The following ANO5 variants were observed in gnomAD, a reference collection of about 807,000 sequenced individuals.
The protein encoded by ANO5 is anoctamin 5, also known as anoctamin-5.
A neutral mutation model predicts 121.0 loss-of-function variants in ANO5; 109 were observed. The observed-to-expected ratio is 0.90, with a 90% CI of 0.77 to 1.06. ANO5 has a LOEUF of 1.06. ANO5 is among the 50% of genes least tolerant of loss of function. ANO5 has a pLI of 0.00. For missense variants in ANO5, 1,064 were observed against 1,078.5 expected (o/e 0.99, Z 0.19); for synonymous variants, 406 against 359.9 (o/e 1.13, Z -1.45).
Position 22,227,448 on chromosome 11 carries a change from T to C in ANO5, c.510T>C (p.Leu170=). The C allele has an allele frequency of 6.2e-7, 1 of 1,613,622 alleles. No homozygotes were observed. Among genetic ancestry groups the C allele is most frequent in the East Asian group, 2.2e-5 (1 of 44,836 alleles). ...AGCACACTCCTATAAGCTATGTGCT[T>C]GGACCTGTAAGACTCCCACTGAGTG... ...RPKHTPISYV[L]GPVRLPLSVK... Residue 170 remains leucine (L), a synonymous_variant, in exon 7 of 22, where the codon CTT becomes CTC. Transcript: ENST00000324559.
At chr11:22,199,270 T>C (rs1851895048) in intron 1 of ANO5, among the ~76,000 whole-genome samples, 1 of 152,182 alleles carries the variant, frequency 6.6e-6, no homozygotes, top group South Asian at 2.1e-4. Context: ...TAACACCTGC[T>C]TACCTCCTAT....
rs1854758383 is a variant in ANO5, at chr11:22,274,559, T to A, written c.2236-10T>A. 1.9e-6 allele frequency: 3 copies of A among 1,555,212 alleles called. No homozygotes were observed. Among genetic ancestry groups the A allele is most frequent in the African/African-American group, 1.4e-5 (1 of 71,898 alleles). The stretch of plus-strand genomic sequence containing the variant: ...CTGATGATCTTCCTCTTTTTTTTTT[T>A]ATTCTTCAGGCCTTTATTGTTGCAT... On this transcript the variant is annotated splice_polypyrimidine_tract_variant and intron_variant, in intron 19 of 21. Transcript: ENST00000324559.
In ANO5 at chr11:22,246,856, CAAAAAAAAAAAA is replaced by C. The variant is rs10565920; in HGVS notation, c.879-3369_879-3358del. 1.8e-3 allele frequency among the ~76,000 whole-genome samples: 115 copies of C among 62,228 alleles called. 1 individual carries two copies. The highest frequency in any genetic ancestry group is 1.5e-3 in the Non-Finnish European group (44 of 28,806). The allele number at this position is 62,228 out of a possible 152,430, so 40.8% of individuals were successfully genotyped here. On this transcript the variant is annotated intron_variant, in intron 9 of 21. Transcript: ENST00000324559. ...AGCACAACAGAGTGAGACCCTGTTT[CAAAAAAAAAAAA>C]AAAAAAAAAAAGCAAAAAAGAAAAG...
chr11:22,266,519 TAAC>T (rs1279023699), intron 17 of ANO5, among the ~76,000 whole-genome samples: 1 of 152,214 alleles, frequency 6.6e-6, no homozygotes, highest in African/African-American at 2.4e-5. Context: ...TTTTTCTGAT[TAAC>T]AACATGAATA....
chr11:22,227,589 A>G lies in ANO5; in HGVS notation c.648+3A>G. ...CATCCTCATCAAGAAACAGAATTGT[A>G]GGTAGAGAAGACCTTTGGGCACATC... is the stretch of plus-strand genomic sequence containing the variant. On this transcript the variant is annotated splice_donor_region_variant and intron_variant, in intron 7 of 21. Coordinates refer to ENST00000324559, the MANE Select transcript of ANO5 (RefSeq NM_213599.3). 3 of 1,613,290 alleles carry G rather than the reference A, an allele frequency of 1.9e-6. No individual in the cohort carries two copies. The highest frequency in any genetic ancestry group is 2.2e-5 in the East Asian group (1 of 44,836).
Position 22,280,568 on chromosome 11 carries a change from G to T in ANO5, c.*803G>T, listed in dbSNP as rs749966954. The T allele has an allele frequency of 1.3e-5, 2 of 151,924 alleles. No individual in the cohort carries two copies. Among genetic ancestry groups the T allele is most frequent in the Non-Finnish European group, 2.9e-5 (2 of 67,864 alleles). The allele number at this position is 151,924 out of a possible 1,614,324, so 9.4% of individuals were successfully genotyped here. On this transcript the variant is annotated 3_prime_UTR_variant, in exon 22 of 22. Transcript: ENST00000324559. ...TGTGTTTTCTTAGTAGTTAATGGAT[G>T]CAGGACAATGTATATTGATTAATTT... is the stretch of plus-strand genomic sequence containing the variant.
chr11:22,233,775 G>T (rs906334887), intron 7 of ANO5, among the ~76,000 whole-genome samples: 4 of 151,546 alleles, frequency 2.6e-5, no homozygotes, highest in African/African-American at 9.7e-5. Flanking sequence ...AAAAACTTTG[G>T]CTAATTTTCT....
rs1028003018 is a variant in ANO5, at chr11:22,260,991, A to G, written c.1631-1138A>G. On this transcript the variant is annotated intron_variant, in intron 15 of 21. Transcript: ENST00000324559. ...TAATTACATTATTTTCAAAATTAAT[A>G]TAGCCATTGAATTAATGAGAGGGCA... Among the ~76,000 whole-genome samples the G allele has an allele frequency of 3.9e-5, 6 of 152,354 alleles. No homozygotes were observed. In the East Asian group the frequency reaches 7.7e-4, roughly 20 times the overall value.
At chr11:22,255,549 A>G in intron 13 of ANO5, 27 bp downstream of exon 13, 5 of 1,611,042 alleles carry the variant, frequency 3.1e-6, no homozygotes, top group Non-Finnish European at 3.4e-6. Flanking sequence ...TGAAACGGAC[A>G]GCATATCTCA....
intron 12 of ANO5, among the ~76,000 whole-genome samples, chr11:22,253,235 A>G (rs1444699733): frequency 1.3e-5 from 2 of 152,066 alleles, no homozygotes; most frequent in East Asian, 3.9e-4. Flanking sequence ...ACTTATAATC[A>G]CAAAAGTCCG....
At chr11:22,265,545 T>A (rs961025599) in intron 17 of ANO5, among the ~76,000 whole-genome samples, 22 of 152,090 alleles carry the variant, frequency 1.4e-4, no homozygotes, top group African/African-American at 5.3e-4. Context: ...ACAAATGAAA[T>A]TATTTGGTAG....
intron 16 of ANO5, 79 bp from the exon 17 acceptor site, chr11:22,262,867 T>C: frequency 1.8e-6 from 2 of 1,086,936 alleles, no homozygotes; most frequent in Non-Finnish European, 1.4e-6. Flanking sequence ...AATTTTATAG[T>C]TTAGGGTTTC....
chr11:22,239,617 T>A lies in ANO5; in HGVS notation c.811T>A (p.Tyr271Asn). ...SEPPNPTNER[Y>N]TLHQNWARFS... ...ACCTCCCAATCCTACCAATGAAAGATACACACTTCACCAGAATTGGGCTCG... is the reference window on the plus strand; with the variant it reads ...ACCTCCCAATCCTACCAATGAAAGAAACACACTTCACCAGAATTGGGCTCG... The change falls in exon 9 of 22, where the codon TAC becomes AAC. Residue 271 changes from tyrosine to asparagine, a missense_variant. Transcript: ENST00000324559. 1 of 1,613,002 alleles carries A rather than the reference T, an allele frequency of 6.2e-7. No homozygotes were observed. The highest frequency in any genetic ancestry group is 8.5e-7 in the Non-Finnish European group (1 of 1,179,216).
chr11:22,193,646 G>A (rs1487527063), intron 1 of ANO5, 114 bp downstream of exon 1: 4 of 1,325,546 alleles, frequency 3.0e-6, no homozygotes, highest in East Asian at 5.0e-5. Flanking sequence ...GAGTCCTAGG[G>A]AGGTTCGCTG....
At chr11:22,265,034 G>GA (rs989896780) in intron 17 of ANO5, among the ~76,000 whole-genome samples, 4 of 151,968 alleles carry the variant, frequency 2.6e-5, no homozygotes, top group African/African-American at 9.6e-5. Context: ...AATGCTGAAG[G>GA]AAAAAAATAT....
intron 8 of ANO5, among the ~76,000 whole-genome samples, chr11:22,238,775 G>T (rs1263923375): frequency 6.6e-6 from 1 of 151,618 alleles, no homozygotes; most frequent in Non-Finnish European, 1.5e-5. Flanking sequence ...AAGTTTTAGG[G>T]TACATGTGCA....
At position 22,239,354 on chromosome 11, in the gene ANO5, A is replaced by T. The variant is rs187400370; in HGVS notation, c.763-215A>T. ...ATAGCTTGAGTAAAGCCAAAGTCTT[A>T]TACTTTTACTTGCATTTTGAGATAG... On this transcript the variant is annotated intron_variant, in intron 8 of 21. Coordinates refer to ENST00000324559, the MANE Select transcript of ANO5 (RefSeq NM_213599.3). Among the ~76,000 whole-genome samples, 1,020 of 152,248 alleles carry T rather than the reference A, an allele frequency of 6.7e-3. 8 individuals carry two copies. Among genetic ancestry groups the T allele is most frequent in the African/African-American group, 0.023 (965 of 41,582 alleles).
intron 18 of ANO5, among the ~76,000 whole-genome samples, chr11:22,272,240 A>C (rs776492097): frequency 9.2e-5 from 14 of 151,824 alleles, no homozygotes; most frequent in Non-Finnish European, 1.6e-4. Flanking sequence ...ATGTCATGAT[A>C]GTAAGGAGAA....
chr11:22,255,349 T>TA, intron 12 of ANO5, 22 bp from the exon 13 acceptor site: 1 of 1,535,268 alleles, frequency 6.5e-7, no homozygotes, highest in South Asian at 1.3e-5. Context: ...TATCTTTTTT[T>TA]TATATATTTA....
Sources: gnomAD v4.1 joint callset for allele counts (sites outside exome capture counted in the v4.1 genomes callset) on GRCh38, gnomAD v4.1.1 for gene constraint, MANE v1.5 for transcripts, NCBI Gene and HGNC (gene_info 2026-07-23, HGNC 2026-07-21) for gene names.